Variants in SPCS2 observed in about 807,000 individuals in gnomAD.
The protein encoded by SPCS2 is signal peptidase complex subunit 2.
SPCS2 carries 3 observed loss-of-function variants against 22.3 expected under a neutral mutation model. The observed-to-expected ratio is 0.13, with a 90% confidence interval of 0.06 to 0.35. The LOEUF is 0.35. Among genes scored for constraint, SPCS2 ranks in the 10% least tolerant of loss-of-function variants. The pLI, the probability that SPCS2 is intolerant of heterozygous loss-of-function variation, is 1.00. For missense variants in SPCS2, 169 were observed against 280.9 expected (o/e 0.60, Z 2.85); for synonymous variants, 67 against 97.2 (o/e 0.69, Z 1.83).
chr11:74,978,803 G>GC lies in SPCS2; in HGVS notation c.*1761dup, dbSNP rs1412263912. Reference sequence around the variant, plus strand: ...GTTAGACACAAGGGTCTCGAGGCTTGCAGATAGAGACTGAATAACCCTCTC... The same window carrying GC: ...GTTAGACACAAGGGTCTCGAGGCTTGCCAGATAGAGACTGAATAACCCTCTC... On this transcript the variant is annotated 3_prime_UTR_variant, in exon 5 of 5. Coordinates refer to ENST00000263672, the MANE Select transcript of SPCS2 (RefSeq NM_014752.3). 2 of 152,160 alleles carry GC rather than the reference G, an allele frequency of 1.3e-5. No homozygotes were observed. Among genetic ancestry groups the GC allele is most frequent in the African/African-American group, 2.4e-5 (1 of 41,422 alleles). 9.4% of individuals were successfully genotyped at this position (152,160 alleles called of 1,614,324 possible). A position where few individuals can be genotyped will look rare whatever the true frequency, so the allele number is the denominator to read the frequency against.
In SPCS2 at chr11:74,965,222, TAG is replaced by T. The variant is rs940242784; in HGVS notation, c.198+107_198+108del. 1.3e-5 allele frequency: 10 copies of T among 759,586 alleles called. No individual in the cohort carries two copies. The African/African-American group carries it at 1.6e-4, about 12-fold the overall frequency. The allele number at this position is 759,586 out of a possible 1,614,324, so 47.1% of individuals were successfully genotyped here. On this transcript the variant is annotated intron_variant, in intron 2 of 4. Coordinates refer to ENST00000263672, the MANE Select transcript of SPCS2 (RefSeq NM_014752.3). ...TTGGAGTGACCTTAGTTTTCAGTGT[TAG>T]AAATTAAGTCAGAAAGCAGTTTCTA... is the stretch of plus-strand genomic sequence containing the variant.
chr11:74,962,518 C>T (rs1248689824), intron 1 of SPCS2, among the ~76,000 whole-genome samples: 4 of 145,894 alleles, frequency 2.7e-5, no homozygotes, highest in African/African-American at 1.0e-4. Flanking sequence ...AAGCAATTTG[C>T]AATTAGTGTT....
rs1948616327 is a variant in SPCS2 at position 74,976,798 on chromosome 11, G to A, written c.495-59G>A. 5 of 1,605,310 alleles carry A rather than the reference G, an allele frequency of 3.1e-6. No individual in the cohort carries two copies. The South Asian group carries it at 5.5e-5, about 18-fold the overall frequency. On this transcript the variant is annotated intron_variant, in intron 4 of 4. Transcript: ENST00000263672. ...CTTCGGAAACACTTGGTGCCGTATT[G>A]TTACTGGTTGAATCTCTGTGTTTGG...
At chr11:74,959,285 C>G (rs563669590) in intron 1 of SPCS2, among the ~76,000 whole-genome samples, 2 of 152,326 alleles carry the variant, frequency 1.3e-5, no homozygotes, top group African/African-American at 4.8e-5. Context: ...TTTTATATCA[C>G]TGCATAACTT....
chr11:74,953,317 C>T (rs1427193819), intron 1 of SPCS2, among the ~76,000 whole-genome samples: 3 of 151,872 alleles, frequency 2.0e-5, no homozygotes, highest in Admixed American at 6.6e-5. Flanking sequence ...CTCAGTCTCC[C>T]GAGTAGCTGG....
intron 4 of SPCS2, among the ~76,000 whole-genome samples, chr11:74,972,306 G>A (rs982124769): frequency 2.6e-5 from 4 of 152,042 alleles, no homozygotes; most frequent in African/African-American, 4.8e-5. Context: ...TCAAGTGATC[G>A]CCTAGCCTTG....
intron 1 of SPCS2, chr11:74,949,612 T>TCGG (rs1216201199): frequency 3.3e-6 from 2 of 614,296 alleles, no homozygotes; most frequent in Non-Finnish European, 6.1e-6. Context: ...TCTTCTTTTC[T>TCGG]CGCAAGTGTT....
At chr11:74,968,721 C>T (rs1206371660) in intron 3 of SPCS2, among the ~76,000 whole-genome samples, 1 of 152,088 alleles carries the variant, frequency 6.6e-6, no homozygotes, top group East Asian at 1.9e-4. Flanking sequence ...CATGGGGTTT[C>T]ACCATGTTGG....
At chr11:74,951,300 A>G (rs1287111244) in intron 1 of SPCS2, among the ~76,000 whole-genome samples, 1 of 152,212 alleles carries the variant, frequency 6.6e-6, no homozygotes, top group Non-Finnish European at 1.5e-5. Context: ...AGTACACATT[A>G]ATGATCTCCA....
chr11:74,953,694 A>G (rs1948460128), intron 1 of SPCS2, among the ~76,000 whole-genome samples: 1 of 152,242 alleles, frequency 6.6e-6, no homozygotes. Context: ...CCTGATCTTA[A>G]AAATAAGTAT....
At chr11:74,970,392 C>T (rs1052806789) in intron 4 of SPCS2, among the ~76,000 whole-genome samples, 8 of 152,162 alleles carry the variant, frequency 5.3e-5, no homozygotes, top group Admixed American at 4.6e-4. Context: ...TTTTAGAACA[C>T]TCATTTTATA....
At chr11:74,975,467 A>G (rs1409080306) in intron 4 of SPCS2, among the ~76,000 whole-genome samples, 1 of 152,220 alleles carries the variant, frequency 6.6e-6, no homozygotes, top group African/African-American at 2.4e-5. Flanking sequence ...TGCCTGTCAC[A>G]TATAGGTAGG....
intron 1 of SPCS2, among the ~76,000 whole-genome samples, chr11:74,964,383 C>T (rs543102164): frequency 6.6e-6 from 1 of 152,310 alleles, no homozygotes; most frequent in South Asian, 2.1e-4. Flanking sequence ...AGAGTTTGTC[C>T]ACTCAACTCG....
intron 1 of SPCS2, among the ~76,000 whole-genome samples, chr11:74,962,882 C>T (rs1445876896): frequency 2.0e-5 from 3 of 152,208 alleles, no homozygotes; most frequent in Non-Finnish European, 4.4e-5. Flanking sequence ...TATTTCAATA[C>T]ATTGTAATGG....
At chr11:74,950,703 A>C (rs925690067) in intron 1 of SPCS2, among the ~76,000 whole-genome samples, 2 of 151,932 alleles carry the variant, frequency 1.3e-5, no homozygotes, top group Non-Finnish European at 2.9e-5. Flanking sequence ...TGCCTGACTA[A>C]TTTTTTTGCT....
intron 1 of SPCS2, among the ~76,000 whole-genome samples, chr11:74,957,492 T>A (rs139561817): frequency 6.6e-6 from 1 of 152,314 alleles, no homozygotes; most frequent in East Asian, 1.9e-4. Flanking sequence ...TAAGGACTCA[T>A]CGCACATCTG....
Position 74,978,363 on chromosome 11 carries a change from A to G in SPCS2, c.*1320A>G, listed in dbSNP as rs1465878987. ...GTGAACAACACTGGACAGAAAGTTA[A>G]AGCCTTGGATTCTGTACTCTTCATT... is the stretch of plus-strand genomic sequence containing the variant. On this transcript the variant is annotated 3_prime_UTR_variant, in exon 5 of 5. Transcript: ENST00000263672. The G allele has an allele frequency of 6.6e-6, 1 of 152,240 alleles. No homozygotes were observed. Among genetic ancestry groups the G allele is most frequent in the Non-Finnish European group, 1.5e-5 (1 of 68,040 alleles). The allele number at this position is 152,240 out of a possible 1,614,324, so 9.4% of individuals were successfully genotyped here.
chr11:74,961,749 G>T (rs550042039), intron 1 of SPCS2, among the ~76,000 whole-genome samples: 7 of 151,928 alleles, frequency 4.6e-5, no homozygotes, highest in South Asian at 2.1e-4. Flanking sequence ...GCTGGTCTCG[G>T]ACTCCTAACC....
chr11:74,955,874 A>ATC (rs2140214504), intron 1 of SPCS2, among the ~76,000 whole-genome samples: 1 of 112,764 alleles, frequency 8.9e-6, no homozygotes, highest in East Asian at 2.8e-4. Context: ...ATATATATAT[A>ATC]TATATATATA....
Sources: allele counts gnomAD v4.1 joint callset (sites outside exome capture counted in the v4.1 genomes callset), GRCh38; gene constraint gnomAD v4.1.1; transcripts MANE v1.5; gene names NCBI Gene and HGNC (gene_info 2026-07-23, HGNC 2026-07-21).